SPOCK1: variants seen among roughly 807,000 people sequenced by gnomAD.
The protein encoded by SPOCK1 is testican-1.
A neutral mutation model predicts 55.3 loss-of-function variants in SPOCK1; 23 were observed. The observed-to-expected ratio is 0.42, with a 90% confidence interval of 0.30 to 0.59. The LOEUF (loss-of-function observed/expected upper bound fraction) is 0.59. SPOCK1 is among the 20% of genes least tolerant of loss of function. The probability of loss-of-function intolerance (pLI) is 0.22; values close to 1 mark genes in which losing one functional copy is unlikely to be tolerated. For missense variants in SPOCK1, 499 were observed against 552.5 expected (o/e 0.90, Z 0.97); for synonymous variants, 226 against 221.0 (o/e 1.02, Z -0.20).
chr5:137,055,748 A>C lies in SPOCK1; in HGVS notation c.589+11967T>G, dbSNP rs147072030. Among the ~76,000 whole-genome samples the C allele has an allele frequency of 1.4e-3, 219 of 152,312 alleles. 1 individual carries two copies. Among genetic ancestry groups the C allele is most frequent in the Non-Finnish European group, 1.9e-3 (126 of 68,024 alleles). The stretch of plus-strand genomic sequence containing the variant: ...GGCAAAAATACTTGCTTCTTGAGAC[A>C]CCTTGAGCCCTTCTCTCTAGTCAGG... On this transcript the variant is annotated intron_variant, in intron 6 of 10. Coordinates refer to ENST00000394945, the MANE Select transcript of SPOCK1 (RefSeq NM_004598.4).
At position 136,978,835 on chromosome 5, in the gene SPOCK1, T is replaced by C. The variant is rs1235383947; in HGVS notation, c.1139A>G (p.Gln380Arg). Residue 380 changes from glutamine (Q) to arginine (R), a missense_variant, in exon 11 of 11, where the codon CAG becomes CGG. Gln to Arg is a conservative substitution (Grantham distance 43). Transcript: ENST00000394945. ...KQGAVSCEEE[Q>R]ETSGDFGSGG... ...ACTGCCAAAATCCCCTGAGGTTTCCTGCTCCTCTTCTGAAAGATTAAAAAA... is the reference window on the plus strand; with the variant it reads ...ACTGCCAAAATCCCCTGAGGTTTCCCGCTCCTCTTCTGAAAGATTAAAAAA... 5.0e-6 allele frequency: 8 copies of C among 1,609,776 alleles called. No individual in the cohort carries two copies. The East Asian group carries it at 1.8e-4, about 36-fold the overall frequency.
intron 2 of SPOCK1, among the ~76,000 whole-genome samples, chr5:137,496,590 C>T (rs1104978): frequency 0.17 from 25,703 of 152,188 alleles, 2,146 homozygotes; most frequent in East Asian, 0.21. Flanking sequence ...CAAGCAACTG[C>T]CCTGCTCTTC....
chr5:137,352,046 G>T (rs1750691792), intron 2 of SPOCK1, among the ~76,000 whole-genome samples: 1 of 152,156 alleles, frequency 6.6e-6, no homozygotes, highest in African/African-American at 2.4e-5. Flanking sequence ...GGATAAGGTT[G>T]GAATCCTCTC....
At chr5:137,117,579 T>C (rs1356539695) in intron 4 of SPOCK1, among the ~76,000 whole-genome samples, 1 of 152,344 alleles carries the variant, frequency 6.6e-6, no homozygotes, top group East Asian at 1.9e-4. Context: ...TAAGTGAACA[T>C]ATTAATTTGG....
chr5:137,274,774 G>A (rs1448973241), intron 2 of SPOCK1, among the ~76,000 whole-genome samples: 1 of 152,196 alleles, frequency 6.6e-6, no homozygotes, highest in Non-Finnish European at 1.5e-5. Flanking sequence ...TGTATGAAGA[G>A]AGATTTTTAA....
intron 2 of SPOCK1, among the ~76,000 whole-genome samples, chr5:137,367,680 A>G (rs1229706): frequency 6.6e-6 from 1 of 152,168 alleles, no homozygotes; most frequent in African/African-American, 2.4e-5. Context: ...ATGCTGACCC[A>G]CATAAACCAC....
chr5:137,441,427 A>G (rs1753004198), intron 2 of SPOCK1, among the ~76,000 whole-genome samples: 1 of 152,210 alleles, frequency 6.6e-6, no homozygotes, highest in Non-Finnish European at 1.5e-5. Flanking sequence ...TTCAGCTTTA[A>G]GTCTATGATT....
intron 2 of SPOCK1, among the ~76,000 whole-genome samples, chr5:137,415,807 T>A (rs1752315919): frequency 6.6e-6 from 1 of 152,202 alleles, no homozygotes; most frequent in Non-Finnish European, 1.5e-5. Context: ...GCTAACTTAA[T>A]TGAATGAAAA....
chr5:137,234,828 GATGTACTAAT>G (rs1225464003), intron 3 of SPOCK1, among the ~76,000 whole-genome samples: 1 of 152,184 alleles, frequency 6.6e-6, no homozygotes, highest in Non-Finnish European at 1.5e-5. Context: ...GTTAATTAGT[GATGTACTAAT>G]GTGTTTCTTA....
At chr5:137,350,412 A>G (rs949143362) in intron 2 of SPOCK1, among the ~76,000 whole-genome samples, 2 of 152,212 alleles carry the variant, frequency 1.3e-5, no homozygotes, top group Non-Finnish European at 2.9e-5. Context: ...ATTCTGTGGC[A>G]AGGCTTGGCT....
intron 2 of SPOCK1, among the ~76,000 whole-genome samples, chr5:137,480,350 C>T (rs1190235656): frequency 1.3e-5 from 2 of 150,620 alleles, no homozygotes; most frequent in African/African-American, 4.9e-5. Flanking sequence ...CACACTCATT[C>T]ACTTGTATTA....
intron 3 of SPOCK1, among the ~76,000 whole-genome samples, chr5:137,192,273 C>CA (rs1199727561): frequency 6.7e-6 from 1 of 150,272 alleles, no homozygotes; most frequent in Admixed American, 6.7e-5. Context: ...AAAACAAGCT[C>CA]AGAGAGTCTC....
At chr5:137,027,145 G>A (rs928252199) in intron 6 of SPOCK1, among the ~76,000 whole-genome samples, 1 of 152,192 alleles carries the variant, frequency 6.6e-6, no homozygotes, top group Non-Finnish European at 1.5e-5. Context: ...GGTGACAGTG[G>A]CAAGAATTCC....
chr5:137,215,964 T>C (rs1171824962), intron 3 of SPOCK1, among the ~76,000 whole-genome samples: 1 of 152,144 alleles, frequency 6.6e-6, no homozygotes, highest in Non-Finnish European at 1.5e-5. Flanking sequence ...AGAACTGCGG[T>C]TCAATCCAGG....
chr5:136,983,871 G>T (rs1368321836), intron 9 of SPOCK1, among the ~76,000 whole-genome samples: 1 of 152,186 alleles, frequency 6.6e-6, no homozygotes, highest in East Asian at 1.9e-4. Context: ...TAACAGAAAG[G>T]TAGGCATTTC....
chr5:137,174,676 T>C (rs1466456263), intron 3 of SPOCK1, among the ~76,000 whole-genome samples: 1 of 152,186 alleles, frequency 6.6e-6, no homozygotes, highest in Non-Finnish European at 1.5e-5. Context: ...AAGGGAGCAT[T>C]TGTCTTGATC....
At chr5:137,267,108 A>G (rs1377075787) in intron 2 of SPOCK1, 53 bp from the exon 3 acceptor site, 1 of 1,457,602 alleles carries the variant, frequency 6.9e-7, no homozygotes, top group Non-Finnish European at 9.6e-7. Context: ...AGCTTCTCAC[A>G]TAACTGCATA....
intron 5 of SPOCK1, 78 bp downstream of exon 5, chr5:137,112,357 C>T (rs1753490997): frequency 6.5e-7 from 1 of 1,549,342 alleles, no homozygotes; most frequent in Non-Finnish European, 8.7e-7. Flanking sequence ...TTCCCAAGCC[C>T]CAGTTTTGGC....
chr5:137,374,424 G>A (rs34825120), intron 2 of SPOCK1, among the ~76,000 whole-genome samples: 19,448 of 152,256 alleles, frequency 0.13, 1,565 homozygotes, highest in East Asian at 0.27. Flanking sequence ...AGTTCCACTC[G>A]TCAAGAGAGT....
Sources: gnomAD v4.1 joint callset for allele counts (sites outside exome capture counted in the v4.1 genomes callset) on GRCh38, gnomAD v4.1.1 for gene constraint, MANE v1.5 for transcripts, NCBI Gene and HGNC (gene_info 2026-07-23, HGNC 2026-07-21) for gene names.